Variants in USP32 observed in about 807,000 individuals in gnomAD.
USP32 encodes ubiquitin specific peptidase 32.
USP32 carries 59 observed loss-of-function variants against 204.8 expected under a neutral mutation model. That is an observed-to-expected ratio of 0.29 (90% CI 0.23 to 0.36). The LOEUF (loss-of-function observed/expected upper bound fraction) is 0.36. Ranked by LOEUF, USP32 falls within the 10% of genes least tolerant of loss-of-function variation. The pLI is 1.00. For synonymous variants in USP32, 517 were observed against 678.4 expected (o/e 0.76, Z 3.70); for missense variants, 1,160 against 1,946.4 (o/e 0.60, Z 7.60).
chr17:60,187,510 G>A (rs1567751178), intron 29 of USP32, among the ~76,000 whole-genome samples: 1 of 152,180 alleles, frequency 6.6e-6, no homozygotes, highest in Non-Finnish European at 1.5e-5. Context: ...GTAGAAAAAG[G>A]GGTGTATCAT....
At chr17:60,360,026 C>T (rs1361893920) in intron 1 of USP32, among the ~76,000 whole-genome samples, 2 of 152,052 alleles carry the variant, frequency 1.3e-5, no homozygotes, top group Non-Finnish European at 2.9e-5. Context: ...CACCACCACA[C>T]CTGGCTAATT....
intron 26 of USP32, 131 bp from the exon 27 acceptor site, chr17:60,198,575 G>A (rs891062907): frequency 1.7e-6 from 2 of 1,163,492 alleles, no homozygotes; most frequent in Non-Finnish European, 2.4e-6. Flanking sequence ...ATTCTTCTCT[G>A]TATTTATAAA....
chr17:60,283,880 T>A (rs1474587396), intron 5 of USP32, among the ~76,000 whole-genome samples: 1 of 152,116 alleles, frequency 6.6e-6, no homozygotes, highest in Non-Finnish European at 1.5e-5. Flanking sequence ...ATGGCTGTGA[T>A]GAAGCAAAGA....
chr17:60,280,844 T>C (rs760999999), intron 5 of USP32, among the ~76,000 whole-genome samples: 6 of 152,212 alleles, frequency 3.9e-5, no homozygotes, highest in Non-Finnish European at 5.9e-5. Flanking sequence ...TGAGAATTTA[T>C]AGGTAATATA....
At chr17:60,307,528 C>A (rs1287443262) in intron 2 of USP32, among the ~76,000 whole-genome samples, 5 of 152,156 alleles carry the variant, frequency 3.3e-5, no homozygotes, top group African/African-American at 2.4e-5. Context: ...TACATGGAAC[C>A]TCAAAAGACC....
intron 9 of USP32, among the ~76,000 whole-genome samples, 198 bp from the exon 10 acceptor site, chr17:60,255,456 C>T (rs140801872): frequency 6.6e-6 from 1 of 152,038 alleles, no homozygotes; most frequent in African/African-American, 2.4e-5. Context: ...CGCCACCATG[C>T]CTGGCTAAGT....
intron 2 of USP32, among the ~76,000 whole-genome samples, chr17:60,344,757 T>C (rs2088744735): frequency 6.6e-6 from 1 of 152,244 alleles, no homozygotes; most frequent in Admixed American, 6.5e-5. Flanking sequence ...ACCCAGCCAA[T>C]AAATTTTATT....
At chr17:60,394,302 A>G (rs2089884680), upstream of USP32, among the ~76,000 whole-genome samples, 2 of 152,180 alleles carry the variant, frequency 1.3e-5, no homozygotes. Context: ...TGAGGGAGAA[A>G]AACCCTCAAG....
intron 2 of USP32, among the ~76,000 whole-genome samples, chr17:60,303,866 G>C (rs933871827): frequency 6.6e-6 from 1 of 152,014 alleles, no homozygotes; most frequent in Non-Finnish European, 1.5e-5. Flanking sequence ...ACAAAAGGGG[G>C]AAAATGTGAG....
rs1292852181 is a variant in USP32, at chr17:60,381,374, G to A, written c.58+10508C>T. ...AAGGATTGCATGAGCGCAGGAAGTA[G>A]AGGCTGCAGTGAGCCATGATCGCAC... On this transcript the variant is annotated intron_variant, in intron 1 of 33. Transcript: ENST00000300896. Among the ~76,000 whole-genome samples, 16 of 151,384 alleles carry A rather than the reference G, an allele frequency of 1.1e-4. No homozygotes were observed. In the South Asian group the frequency reaches 2.3e-3, roughly 22 times the overall value.
chr17:60,227,461 G>C (rs993144911), intron 12 of USP32, among the ~76,000 whole-genome samples: 1 of 151,662 alleles, frequency 6.6e-6, no homozygotes, highest in African/African-American at 2.4e-5. Context: ...ATAGAGATAG[G>C]GTTTCACCAT....
intron 1 of USP32, among the ~76,000 whole-genome samples, chr17:60,420,017 G>A (rs2090096873): frequency 6.7e-6 from 1 of 148,512 alleles, no homozygotes; most frequent in African/African-American, 2.5e-5. Flanking sequence ...GCACCACCGC[G>A]CCTGGCTAAT....
At chr17:60,253,693 G>A (rs1330246658) in intron 10 of USP32, among the ~76,000 whole-genome samples, 2 of 152,094 alleles carry the variant, frequency 1.3e-5, no homozygotes, top group Admixed American at 1.3e-4. Flanking sequence ...TTGAACCTGA[G>A]AGATAGAGGT....
chr17:60,418,736 A>T (rs2143123836), intron 1 of USP32, among the ~76,000 whole-genome samples: 1 of 152,188 alleles, frequency 6.6e-6, no homozygotes, highest in East Asian at 1.9e-4. Flanking sequence ...AAGAAAATAT[A>T]CATGCAACCA....
chr17:60,421,267 TAAC>T (rs1402461187), intron 1 of USP32: 2 of 743,118 alleles, frequency 2.7e-6, no homozygotes, highest in Non-Finnish European at 3.3e-6. Context: ...ACGACAACAA[TAAC>T]AACAAGACGT....
At chr17:60,301,797 T>C in intron 2 of USP32, 93 bp from the exon 3 acceptor site, 1 of 797,520 alleles carries the variant, frequency 1.3e-6, no homozygotes, top group Non-Finnish European at 2.0e-6. Context: ...TATCTCCACC[T>C]CCACAACAGG....
At chr17:60,180,496 C>T in intron 33 of USP32, 49 bp downstream of exon 33, 2 of 1,564,532 alleles carry the variant, frequency 1.3e-6, no homozygotes, top group Non-Finnish European at 1.8e-6. Context: ...TTCCCCAGTT[C>T]TGTTGATATT....
Position 60,254,936 on chromosome 17 carries a change from A to G in USP32, c.1074+239T>C, listed in dbSNP as rs151298104. ...TTTGCAACTTATTCTCTATATGTCT[A>G]TGTACTGCTCTATAATGAGTTATAA... is the stretch of plus-strand genomic sequence containing the variant. On this transcript the variant is annotated intron_variant, in intron 10 of 33. Transcript: ENST00000300896. Among the ~76,000 whole-genome samples, 582 of 152,198 alleles carry G rather than the reference A, an allele frequency of 3.8e-3. 1 individual carries two copies. Among genetic ancestry groups the G allele is most frequent in the Admixed American group, 6.1e-3 (93 of 15,294 alleles).
At chr17:60,369,994 C>A (rs2089406067) in intron 1 of USP32, among the ~76,000 whole-genome samples, 1 of 152,080 alleles carries the variant, frequency 6.6e-6, no homozygotes, top group South Asian at 2.1e-4. Context: ...CCACCTTGGC[C>A]TCCCAAACTC....
Sources: gnomAD v4.1 joint callset for allele counts (sites outside exome capture counted in the v4.1 genomes callset) on GRCh38, gnomAD v4.1.1 for gene constraint, MANE v1.5 for transcripts, NCBI Gene and HGNC (gene_info 2026-07-23, HGNC 2026-07-21) for gene names.